PABIR3: variants seen among roughly 807,000 people sequenced by gnomAD.
PABIR3 encodes PABIR family member 3, also known as PABIR family member 1.
In PABIR3, 20 loss-of-function variants were observed where a neutral mutation model predicts 23.1. The ratio of observed to expected loss-of-function variants is 0.86; its 90% CI spans 0.61 to 1.26. The LOEUF is 1.26. Among genes scored for constraint, PABIR3 ranks in the 50% most tolerant of loss-of-function variants. The pLI is 0.00. For missense variants in PABIR3, 189 were observed against 195.4 expected (o/e 0.97, Z 0.20); for synonymous variants, 69 against 68.5 (o/e 1.01, Z -0.04).
chrX:134,852,824 C>CA lies in PABIR3; in HGVS notation c.620dup (p.Ile208AspfsTer12). The CA allele has an allele frequency of 8.8e-7, 1 of 1,135,759 alleles. No homozygotes were observed. Among genetic ancestry groups the CA allele is most frequent in the Non-Finnish European group, 1.2e-6 (1 of 863,057 alleles). The allele number at this position is 1,135,759 out of a possible 1,213,427, so 93.6% of individuals were successfully genotyped here. On this transcript the variant is annotated frameshift_variant, in exon 10 of 11. Transcript: ENST00000645433. LOFTEE classifies it high-confidence loss of function. Reference sequence around the variant, plus strand: ...GGTGAAATGGCATTTCAATATCAACCAAAAAAGATTTTCCAAGGCACAACC... The same window carrying CA: ...GGTGAAATGGCATTTCAATATCAACCAAAAAAAGATTTTCCAAGGCACAACC...
intron 4 of PABIR3, among the ~76,000 whole-genome samples, chrX:134,844,569 G>A (rs1225208450): frequency 9.0e-6 from 1 of 111,044 alleles, no homozygotes; most frequent in Non-Finnish European, 1.9e-5. Flanking sequence ...ATGTACAAAG[G>A]AAGAAAGAAC....
At chrX:134,806,768 G>A (rs1314541938), upstream of PABIR3, among the ~76,000 whole-genome samples, 2 of 106,276 alleles carry the variant, frequency 1.9e-5, no homozygotes, top group Non-Finnish European at 3.8e-5. Context: ...AAGCACTTAG[G>A]TAGCAGTATC....
intron 2 of PABIR3, chrX:134,810,108 A>T (rs949494606): frequency 2.7e-6 from 2 of 752,339 alleles, no homozygotes; most frequent in African/African-American, 4.6e-5. Context: ...AGACAATATA[A>T]AAAGAAGAAA....
chrX:134,858,266 T>C (rs2148380426), downstream of PABIR3, among the ~76,000 whole-genome samples: 1 of 111,965 alleles, frequency 8.9e-6, no homozygotes, highest in South Asian at 3.7e-4. Flanking sequence ...AGCTCTAATA[T>C]TTAGAAGTCT....
intron 6 of PABIR3, among the ~76,000 whole-genome samples, chrX:134,846,251 C>T (rs1297023009): frequency 8.9e-6 from 1 of 111,779 alleles, no homozygotes; most frequent in Non-Finnish European, 1.9e-5. Flanking sequence ...ATTCTATTAC[C>T]TCCCACCAGG....
Position 134,845,218 on chromosome X carries a change from A to AT in PABIR3, c.263dup (p.Leu88PhefsTer4). Reference sequence around the variant, plus strand: ...CTACCTTTACAGGAAGAAGCCATGGATTTAATAAATAGAGAAACAATGTCT... The same window carrying AT: ...CTACCTTTACAGGAAGAAGCCATGGATTTTAATAAATAGAGAAACAATGTCT... On this transcript the variant is annotated frameshift_variant, in exon 5 of 11. Coordinates refer to ENST00000645433, the MANE Select transcript of PABIR3 (RefSeq NM_001388447.1). LOFTEE classifies it high-confidence loss of function. 2 of 1,194,796 alleles carry AT rather than the reference A, an allele frequency of 1.7e-6. No individual in the cohort carries two copies. The highest frequency in any genetic ancestry group is 2.3e-6 in the Non-Finnish European group (2 of 885,234).
At chrX:134,844,318 T>TG (rs759796899) in intron 4 of PABIR3, 19 of 111,304 alleles carry the variant, frequency 1.7e-4, no homozygotes, top group African/African-American at 5.9e-4. Context: ...TTTGGCTATT[T>TG]GGGGTCCTTT....
upstream of PABIR3, among the ~76,000 whole-genome samples, chrX:134,806,657 AAAAG>A (rs1176469815): frequency 9.0e-6 from 1 of 110,807 alleles, no homozygotes; most frequent in Non-Finnish European, 1.9e-5. Context: ...TATGGTTTAA[AAAAG>A]AAAGAAAGAA....
chrX:134,817,170 AAAACAAACAAAC>A (rs748627272), intron 3 of PABIR3, among the ~76,000 whole-genome samples: 1 of 111,651 alleles, frequency 9.0e-6, no homozygotes, highest in Non-Finnish European at 1.9e-5. Context: ...ACTTTCTCTC[AAAACAAACAAAC>A]AAACAAACAA....
intron 4 of PABIR3, among the ~76,000 whole-genome samples, chrX:134,843,886 G>C (rs1376254301): frequency 9.6e-6 from 1 of 103,838 alleles, no homozygotes; most frequent in South Asian, 4.3e-4. Context: ...ATTTCTGTGC[G>C]CTCTATTCTG....
chrX:134,839,724 C>T (rs1461602396), intron 4 of PABIR3: 1 of 113,055 alleles, frequency 8.8e-6, no homozygotes, highest in Non-Finnish European at 1.8e-5. Flanking sequence ...GCCGCCCCGT[C>T]CGGGAGGGAG....
downstream of PABIR3, among the ~76,000 whole-genome samples, chrX:134,856,422 G>A (rs1174214949): frequency 4.5e-5 from 5 of 110,340 alleles, no homozygotes; most frequent in Non-Finnish European, 9.5e-5. Flanking sequence ...CTGGCCTCAG[G>A]TGATCCACCC....
downstream of PABIR3, among the ~76,000 whole-genome samples, chrX:134,855,718 T>A (rs917561311): frequency 3.6e-5 from 4 of 111,633 alleles, no homozygotes; most frequent in Non-Finnish European, 5.6e-5. Context: ...CTGATCAGAA[T>A]TGATATATAA....
At chrX:134,820,577 G>T (rs1230022563) in intron 3 of PABIR3, among the ~76,000 whole-genome samples, 1 of 111,246 alleles carries the variant, frequency 9.0e-6, no homozygotes, top group Admixed American at 9.7e-5. Context: ...TTTGCACGAT[G>T]AAAAGAGTTT....
chrX:134,856,204 T>G (rs2082749387), downstream of PABIR3, among the ~76,000 whole-genome samples: 1 of 108,947 alleles, frequency 9.2e-6, no homozygotes, highest in Non-Finnish European at 1.9e-5. Context: ...TTTTTTTTTT[T>G]GAGACGGAGT....
intron 4 of PABIR3, among the ~76,000 whole-genome samples, chrX:134,830,237 TC>T (rs1315659064): frequency 9.1e-6 from 1 of 109,734 alleles, no homozygotes; most frequent in Non-Finnish European, 1.9e-5. Context: ...TTGCTTCTTT[TC>T]CCTCTCTCCC....
At chrX:134,820,263 A>G (rs926355425) in intron 3 of PABIR3, among the ~76,000 whole-genome samples, 1 of 112,341 alleles carries the variant, frequency 8.9e-6, no homozygotes, top group African/African-American at 3.2e-5. Flanking sequence ...TACTAGTTGG[A>G]TGTTTTTCAC....
upstream of PABIR3, among the ~76,000 whole-genome samples, chrX:134,804,829 A>G (rs2080161381): frequency 8.9e-6 from 1 of 112,482 alleles, no homozygotes; most frequent in Non-Finnish European, 1.9e-5. Flanking sequence ...TGCCTTCTGC[A>G]TTCATCCTGA....
chrX:134,845,438 A>T (rs775966194), intron 6 of PABIR3, 37 bp downstream of exon 6: 1 of 1,078,851 alleles, frequency 9.3e-7, no homozygotes, highest in Non-Finnish European at 1.3e-6. Context: ...AGAAAATTTC[A>T]AATTTTTACT....
Sources: allele counts gnomAD v4.1 joint callset (sites outside exome capture counted in the v4.1 genomes callset), GRCh38; gene constraint gnomAD v4.1.1; transcripts MANE v1.5; gene names NCBI Gene and HGNC (gene_info 2026-07-23, HGNC 2026-07-21).